CNTNAP2: variants seen among roughly 807,000 people sequenced by gnomAD.
CNTNAP2 encodes the protein contactin-associated protein-like 2.
Under a neutral mutation model 155.2 loss-of-function variants are expected in CNTNAP2, and 98 were observed. The ratio of observed to expected loss-of-function variants is 0.63; its 90% CI spans 0.54 to 0.75. The LOEUF is 0.75. Ranked by LOEUF, CNTNAP2 falls within the 30% of genes least tolerant of loss-of-function variation. CNTNAP2 has a pLI of 0.00. For synonymous variants in CNTNAP2, 651 were observed against 631.2 expected, an observed-to-expected ratio of 1.03 and a Z score of -0.47; for missense variants, 1,727 against 1,688.1, an observed-to-expected ratio of 1.02 and a Z score of -0.40.
At chr7:146,134,145 G>T (rs1218078647) in intron 1 of CNTNAP2, among the ~76,000 whole-genome samples, 1 of 151,680 alleles carries the variant, frequency 6.6e-6, no homozygotes, top group Non-Finnish European at 1.5e-5. Context: ...TTGTAAGTTG[G>T]ATTCCTAGGT....
rs1328354723 is a variant in CNTNAP2 at position 146,721,731 on chromosome 7, TTATATATTCTATA to T, written c.98-52522_98-52510del. Among the ~76,000 whole-genome samples the T allele has an allele frequency of 1.6e-3, 199 of 124,578 alleles. 3 individuals carry two copies. The highest frequency in any genetic ancestry group is 2.2e-3 in the African/African-American group (64 of 28,978). The allele number at this position is 124,578 out of a possible 152,430, so 81.7% of individuals were successfully genotyped here. ...ACATTCTATATATATTCTAAATACA[TTATATATTCTATA>T]TATATATTCTATATATAGTCTACAT... On this transcript the variant is annotated intron_variant, in intron 1 of 23. Transcript: ENST00000361727.
intron 8 of CNTNAP2, among the ~76,000 whole-genome samples, chr7:147,205,662 T>C (rs1237398476): frequency 1.3e-5 from 2 of 151,292 alleles, no homozygotes; most frequent in Non-Finnish European, 2.9e-5. Flanking sequence ...CTCACTCTTA[T>C]GTGGGAGCTA....
At chr7:147,528,708 G>A (rs1333628595) in intron 11 of CNTNAP2, among the ~76,000 whole-genome samples, 1 of 152,172 alleles carries the variant, frequency 6.6e-6, no homozygotes, top group Admixed American at 6.5e-5. Context: ...CACATGAGAG[G>A]GAACAGTGGA....
At chr7:147,111,256 G>A (rs1280539200) in intron 5 of CNTNAP2, among the ~76,000 whole-genome samples, 2 of 152,218 alleles carry the variant, frequency 1.3e-5, no homozygotes, top group East Asian at 3.9e-4. Context: ...CCTTGCAGAA[G>A]CTAGATATTA....
At chr7:148,228,827 C>CAA (rs10657103) in intron 19 of CNTNAP2, among the ~76,000 whole-genome samples, 48 of 118,694 alleles carry the variant, frequency 4.0e-4, no homozygotes, top group African/African-American at 1.3e-3. Context: ...GACTCTGTTT[C>CAA]AAAAAAAAAA....
At chr7:146,569,099 G>C (rs1433357343) in intron 1 of CNTNAP2, among the ~76,000 whole-genome samples, 1 of 151,806 alleles carries the variant, frequency 6.6e-6, no homozygotes, top group Non-Finnish European at 1.5e-5. Flanking sequence ...TCACCGCAAG[G>C]GCTGCCTCCC....
At chr7:146,601,865 A>G (rs1017914956) in intron 1 of CNTNAP2, among the ~76,000 whole-genome samples, 2 of 152,016 alleles carry the variant, frequency 1.3e-5, no homozygotes, top group Non-Finnish European at 2.9e-5. Context: ...CATTTCTTAT[A>G]CAGGCAAAAT....
intron 10 of CNTNAP2, among the ~76,000 whole-genome samples, chr7:147,470,660 T>C (rs1305688558): frequency 2.6e-5 from 4 of 152,148 alleles, no homozygotes; most frequent in Non-Finnish European, 4.4e-5. Flanking sequence ...AGATCATTTC[T>C]GCCTGAAAAG....
At chr7:147,594,707 T>C (rs1584840557) in intron 12 of CNTNAP2, among the ~76,000 whole-genome samples, 1 of 152,142 alleles carries the variant, frequency 6.6e-6, no homozygotes, top group East Asian at 1.9e-4. Context: ...TTTTAGAAAC[T>C]CTAAGCAAGA....
At chr7:146,753,738 C>T (rs995740412) in intron 1 of CNTNAP2, among the ~76,000 whole-genome samples, 22 of 151,986 alleles carry the variant, frequency 1.4e-4, no homozygotes, top group African/African-American at 5.1e-4. Flanking sequence ...AGGTTTCCAT[C>T]TTTTAGAACA....
At chr7:147,705,037 A>AT (rs1563059055) in intron 13 of CNTNAP2, among the ~76,000 whole-genome samples, 2 of 151,238 alleles carry the variant, frequency 1.3e-5, no homozygotes, top group Non-Finnish European at 3.0e-5. Flanking sequence ...GATCCTTTGT[A>AT]TTTTTTTAAG....
chr7:148,016,954 A>G (rs573200279), intron 15 of CNTNAP2, among the ~76,000 whole-genome samples: 2 of 152,352 alleles, frequency 1.3e-5, no homozygotes, highest in East Asian at 3.9e-4. Context: ...ATCTCAAAAA[A>G]AGCAAGTCTT....
At chr7:147,732,980 A>G (rs186479181) in intron 13 of CNTNAP2, among the ~76,000 whole-genome samples, 99 of 152,308 alleles carry the variant, frequency 6.5e-4, no homozygotes, top group Admixed American at 2.6e-3. Flanking sequence ...CCCATTGTGT[A>G]GGTTGCCAGT....
intron 1 of CNTNAP2, among the ~76,000 whole-genome samples, chr7:146,426,012 C>A (rs1796081533): frequency 6.6e-6 from 1 of 151,326 alleles, no homozygotes; most frequent in East Asian, 1.9e-4. Context: ...ATGGTAAAAC[C>A]CCATCTCTAC....
intron 1 of CNTNAP2, among the ~76,000 whole-genome samples, chr7:146,628,868 T>G (rs183141491): frequency 6.6e-6 from 1 of 152,090 alleles, no homozygotes; most frequent in South Asian, 2.1e-4. Flanking sequence ...CCACATTACT[T>G]GACGGTTATT....
chr7:147,984,978 G>A (rs749840833), intron 15 of CNTNAP2, among the ~76,000 whole-genome samples: 3 of 152,024 alleles, frequency 2.0e-5, no homozygotes, highest in Non-Finnish European at 2.9e-5. Context: ...AGCTGCGCAT[G>A]TTGGTGCGCA....
At chr7:147,318,446 T>C (rs1795278656) in intron 9 of CNTNAP2, among the ~76,000 whole-genome samples, 1 of 152,154 alleles carries the variant, frequency 6.6e-6, no homozygotes, top group Admixed American at 6.6e-5. Flanking sequence ...GTTTGTTTGT[T>C]TTTTTAAAGA....
At chr7:146,644,002 G>C (rs1017029296) in intron 1 of CNTNAP2, among the ~76,000 whole-genome samples, 10 of 152,228 alleles carry the variant, frequency 6.6e-5, no homozygotes, top group East Asian at 3.9e-4. Flanking sequence ...GATTTTTGTA[G>C]ATTGATTTTG....
intron 8 of CNTNAP2, among the ~76,000 whole-genome samples, chr7:147,191,770 C>T (rs1406871526): frequency 6.6e-6 from 1 of 152,056 alleles, no homozygotes; most frequent in Non-Finnish European, 1.5e-5. Context: ...GTCTCCAAAC[C>T]CTTCACGAAT....
Sources: allele counts gnomAD v4.1 joint callset (sites outside exome capture counted in the v4.1 genomes callset), GRCh38; gene constraint gnomAD v4.1.1; transcripts MANE v1.5; gene names NCBI Gene and HGNC (gene_info 2026-07-23, HGNC 2026-07-21).